Variants in USP53 observed in about 807,000 individuals in gnomAD.
USP53 encodes ubiquitin specific peptidase 53.
In USP53, 71 loss-of-function variants were observed where a neutral mutation model predicts 94.9. The observed-to-expected ratio is 0.75, with a 90% confidence interval of 0.62 to 0.91. The LOEUF is 0.91. Ranked by LOEUF, USP53 falls within the 40% of genes least tolerant of loss-of-function variation. The probability of loss-of-function intolerance (pLI) is 0.00; values close to 1 mark genes in which losing one functional copy is unlikely to be tolerated. For missense variants in USP53, 1,173 were observed against 1,281.0 expected (o/e 0.92, Z 1.29); for synonymous variants, 375 against 422.7 (o/e 0.89, Z 1.39).
At position 119,271,483 on chromosome 4, in the gene USP53, T is replaced by G; in HGVS notation, c.1623T>G (p.Ala541=). Residue 541 remains alanine, a synonymous_variant, in exon 16 of 19, where the codon GCT becomes GCG. Transcript: ENST00000692078. ...IISSSKSQIL[A]PGEKITGKVK... is the part of the protein sequence containing the mutation. ...GTTCAAGTAAATCCCAGATTCTTGC[T>G]CCAGGAGAGAAAATAACTGGCAAAG... is the stretch of plus-strand genomic sequence containing the variant. The G allele has an allele frequency of 5.0e-6, 8 of 1,613,462 alleles. No homozygotes were observed. The highest frequency in any genetic ancestry group is 6.8e-6 in the Non-Finnish European group (8 of 1,179,950).
intron 12 of USP53, among the ~76,000 whole-genome samples, chr4:119,265,839 T>C (rs951716649): frequency 2.0e-5 from 3 of 152,198 alleles, no homozygotes; most frequent in African/African-American, 7.2e-5. Context: ...CTTTGTGGTG[T>C]TTTTGTTTGG....
chr4:119,248,612 G>A (rs1748559213), intron 6 of USP53, 136 bp from the exon 7 acceptor site: 2 of 963,878 alleles, frequency 2.1e-6, no homozygotes, highest in Non-Finnish European at 3.0e-6. Context: ...ATTAATTTTT[G>A]TATGAAATTT....
intron 3 of USP53, among the ~76,000 whole-genome samples, chr4:119,233,303 A>C (rs982050050): frequency 6.6e-6 from 1 of 151,140 alleles, no homozygotes; most frequent in Non-Finnish European, 1.5e-5. Flanking sequence ...TCTTCTTTTT[A>C]GTATAAGGTT....
chr4:119,246,301 C>T (rs1748231756), intron 6 of USP53, among the ~76,000 whole-genome samples: 2 of 152,146 alleles, frequency 1.3e-5, no homozygotes, highest in Admixed American at 6.5e-5. Context: ...GGTGATATAA[C>T]TCTCACCCAC....
Position 119,239,940 on chromosome 4 carries a change from C to G in USP53, c.144+37C>G, listed in dbSNP as rs137953832. ...ATTACTTATTACATTAAAAAAAATA[C>G]TTTTCAGAAAATCCTTTGTTTAATG... is the stretch of plus-strand genomic sequence containing the variant. On this transcript the variant is annotated intron_variant, in intron 5 of 18. Coordinates refer to ENST00000692078, the MANE Select transcript of USP53 (RefSeq NM_001371395.1). 836 of 1,371,854 alleles carry G rather than the reference C, an allele frequency of 6.1e-4. 4 individuals are homozygous for G. The African/African-American group carries it at 0.011, about 18-fold the overall frequency. The allele number at this position is 1,371,854 out of a possible 1,614,324, so 85.0% of individuals were successfully genotyped here.
intron 17 of USP53, among the ~76,000 whole-genome samples, chr4:119,277,925 C>T (rs1244418783): frequency 7.6e-6 from 1 of 131,038 alleles, no homozygotes; most frequent in African/African-American, 2.9e-5. Flanking sequence ...ATTGCAACCC[C>T]TGCCTTTTTT....
At chr4:119,229,341 T>A (rs1445457942) in intron 3 of USP53, among the ~76,000 whole-genome samples, 4 of 152,234 alleles carry the variant, frequency 2.6e-5, no homozygotes, top group Non-Finnish European at 5.9e-5. Context: ...TCTATTCTTA[T>A]GGTTTCTTAT....
In USP53 at chr4:119,273,806, A is replaced by G; in HGVS notation, c.2251+98A>G. The G allele has an allele frequency of 4.2e-6, 4 of 942,418 alleles. 1 individual carries two copies. Among genetic ancestry groups the G allele is most frequent in the Middle Eastern group, 6.9e-4 (2 of 2,882 alleles). 58.4% of individuals were successfully genotyped at this position (942,418 alleles called of 1,614,324 possible). On this transcript the variant is annotated intron_variant, in intron 17 of 18. Transcript: ENST00000692078. The stretch of plus-strand genomic sequence containing the variant: ...ATCTGAGAGAAAATCCTATATGACT[A>G]TAAAAATTATTTTTAAATAACCCTA...
At chr4:119,291,587 C>T (rs1754767047) in intron 18 of USP53, among the ~76,000 whole-genome samples, 1 of 152,196 alleles carries the variant, frequency 6.6e-6, no homozygotes, top group South Asian at 2.1e-4. Context: ...AGCAAATCCT[C>T]AACTCTCTTT....
chr4:119,225,844 A>C (rs1011314013), intron 3 of USP53, among the ~76,000 whole-genome samples: 13 of 152,208 alleles, frequency 8.5e-5, no homozygotes, highest in African/African-American at 3.1e-4. Context: ...ATACAGATGT[A>C]AAAGTTATTT....
chr4:119,213,641 G>GATATATTATATATATATATATATATAT (rs1553961986), intron 1 of USP53, among the ~76,000 whole-genome samples: 1 of 108,114 alleles, frequency 9.2e-6, no homozygotes, highest in African/African-American at 4.2e-5. Context: ...TCTGGAAATA[G>GATATATTATATATATATATATATATAT]ATATATATAT....
At chr4:119,260,317 G>T (rs1313517139) in intron 10 of USP53, among the ~76,000 whole-genome samples, 190 bp from the exon 11 acceptor site, 1 of 151,770 alleles carries the variant, frequency 6.6e-6, no homozygotes, top group African/African-American at 2.4e-5. Context: ...AATTATCAAA[G>T]AATACTTTTA....
chr4:119,292,858 C>T lies in USP53; in HGVS notation c.2869C>T (p.His957Tyr), dbSNP rs762668639. 35 of 1,614,012 alleles carry T rather than the reference C, an allele frequency of 2.2e-5. 1 individual carries two copies. The South Asian group carries it at 3.7e-4, about 17-fold the overall frequency. The change falls in exon 19 of 19, where the codon CAT (histidine) becomes TAT (tyrosine). Residue 957 changes from histidine to tyrosine, a missense_variant. Physicochemically the swap from His to Tyr is moderately conservative, Grantham distance 83. Coordinates refer to ENST00000692078, the MANE Select transcript of USP53 (RefSeq NM_001371395.1). The stretch of plus-strand genomic sequence containing the variant: ...TACAGAGGTGTTTAAAGCTACCTCT[C>T]ATCTTCCGAAGCACAGTTTAAGTAC... ...KLTEVFKATS[H>Y]LPKHSLSTAS...
At chr4:119,279,946 G>A (rs1235702285) in intron 17 of USP53, among the ~76,000 whole-genome samples, 3 of 152,160 alleles carry the variant, frequency 2.0e-5, no homozygotes, top group East Asian at 3.9e-4. Context: ...GCAATGCCTC[G>A]CCCTGCTTTG....
At chr4:119,267,032 G>A (rs1751216109) in intron 12 of USP53, among the ~76,000 whole-genome samples, 1 of 152,050 alleles carries the variant, frequency 6.6e-6, no homozygotes, top group Non-Finnish European at 1.5e-5. Context: ...GAATTGTCTT[G>A]AAGTCTTTGT....
chr4:119,279,464 A>C (rs1294809691), intron 17 of USP53, among the ~76,000 whole-genome samples: 3 of 149,166 alleles, frequency 2.0e-5, no homozygotes, highest in African/African-American at 7.4e-5. Context: ...CGGTTCTCAG[A>C]TCTCCAGCTG....
intron 7 of USP53, among the ~76,000 whole-genome samples, chr4:119,250,023 A>G (rs1305736911): frequency 6.6e-6 from 1 of 151,676 alleles, no homozygotes; most frequent in East Asian, 1.9e-4. Context: ...GTTAACGCTT[A>G]CTCTTCAAAT....
chr4:119,280,748 C>G (rs79859046), intron 17 of USP53, among the ~76,000 whole-genome samples: 3,708 of 152,314 alleles, frequency 0.024, 57 homozygotes, highest in South Asian at 0.056. Context: ...GCTGACAATA[C>G]AAGTCCAGAG....
intron 3 of USP53, among the ~76,000 whole-genome samples, chr4:119,234,005 C>T (rs1044887069): frequency 1.2e-4 from 18 of 152,178 alleles, no homozygotes; most frequent in Non-Finnish European, 2.1e-4. Flanking sequence ...TCTCCAGGAC[C>T]TGCTATCCTT....
Sources: gnomAD v4.1 joint callset for allele counts (sites outside exome capture counted in the v4.1 genomes callset) on GRCh38, gnomAD v4.1.1 for gene constraint, MANE v1.5 for transcripts, NCBI Gene and HGNC (gene_info 2026-07-23, HGNC 2026-07-21) for gene names.